Variants in ANKRD50 observed in about 807,000 individuals in gnomAD.
ANKRD50 encodes ankyrin repeat domain-containing protein 50.
A neutral mutation model predicts 112.0 loss-of-function variants in ANKRD50; 40 were observed. That is an observed-to-expected ratio of 0.36 (90% CI 0.28 to 0.46). The LOEUF (loss-of-function observed/expected upper bound fraction) is 0.46, where lower values mean the gene tolerates loss of function less well. ANKRD50 is among the 20% of genes least tolerant of loss of function. The pLI is 1.00. For missense variants in ANKRD50, 1,487 were observed against 1,701.7 expected (o/e 0.87, Z 2.22); for synonymous variants, 613 against 619.1 (o/e 0.99, Z 0.15).
intron 2 of ANKRD50, among the ~76,000 whole-genome samples, chr4:124,704,211 T>C (rs1249337611): frequency 2.0e-5 from 3 of 152,216 alleles, no homozygotes; most frequent in Non-Finnish European, 2.9e-5. Flanking sequence ...TGAATAGTAA[T>C]GGGACTTTAG....
chr4:124,688,233 A>G (rs1725050578), intron 2 of ANKRD50, among the ~76,000 whole-genome samples: 1 of 152,220 alleles, frequency 6.6e-6, no homozygotes, highest in Non-Finnish European at 1.5e-5. Context: ...GGTGAATCCT[A>G]AATCAATTTT....
chr4:124,674,510 TAA>T (rs1730727154), intron 3 of ANKRD50, among the ~76,000 whole-genome samples: 1 of 151,948 alleles, frequency 6.6e-6, no homozygotes, highest in Non-Finnish European at 1.5e-5. Context: ...ATTTCTATTT[TAA>T]AAAATGAGGA....
chr4:124,685,378 G>C (rs1277585330), intron 2 of ANKRD50, among the ~76,000 whole-genome samples: 1 of 152,080 alleles, frequency 6.6e-6, no homozygotes, highest in Non-Finnish European at 1.5e-5. Flanking sequence ...TCCATATTAA[G>C]TTCCCTTTCA....
At chr4:124,677,500 G>C (rs944109273) in intron 3 of ANKRD50, among the ~76,000 whole-genome samples, 2 of 151,708 alleles carry the variant, frequency 1.3e-5, no homozygotes. Context: ...AATATTGTTG[G>C]CTAAAAAAAG....
chr4:124,709,701 T>G (rs1405137680), intron 2 of ANKRD50, among the ~76,000 whole-genome samples: 2 of 152,126 alleles, frequency 1.3e-5, no homozygotes, highest in East Asian at 3.8e-4. Flanking sequence ...CTAAATGTGC[T>G]TCTCTACCAT....
intron 2 of ANKRD50, among the ~76,000 whole-genome samples, chr4:124,682,167 T>A (rs2110514470): frequency 6.6e-6 from 1 of 151,600 alleles, no homozygotes. Context: ...ATACAAAAAA[T>A]TAGCCGGGCG....
In ANKRD50 at chr4:124,697,862, A is replaced by T. The variant is rs1399050834; in HGVS notation, c.512+12138T>A. On this transcript the variant is annotated intron_variant, in intron 2 of 4. Transcript: ENST00000504087. The stretch of plus-strand genomic sequence containing the variant: ...GGTGGAGGATGGGCAGCAGGAGATG[A>T]GTTATGTCAGGTATTTCTGCTGCGT... 2.0e-5 allele frequency among the ~76,000 whole-genome samples: 3 copies of T among 151,946 alleles called. No homozygotes were observed. The East Asian group carries it at 5.8e-4, about 29-fold the overall frequency.
Position 124,664,922 on chromosome 4 carries a change from T to A in ANKRD50, c.*2596A>T, listed in dbSNP as rs1730453052. ...TTTCATTACTGTATTTTTATCACTT[T>A]CCTTATTATAAACTCATGATATTTA... On this transcript the variant is annotated 3_prime_UTR_variant, in exon 5 of 5. Transcript: ENST00000504087. The A allele has an allele frequency of 6.6e-6, 1 of 151,938 alleles. No individual in the cohort carries two copies. Among genetic ancestry groups the A allele is most frequent in the Admixed American group, 6.6e-5 (1 of 15,224 alleles). 9.4% of individuals were successfully genotyped at this position (151,938 alleles called of 1,614,324 possible).
chr4:124,686,493 C>T lies in ANKRD50; in HGVS notation c.513-7588G>A, dbSNP rs139087817. On this transcript the variant is annotated intron_variant, in intron 2 of 4. Coordinates refer to ENST00000504087, the MANE Select transcript of ANKRD50 (RefSeq NM_020337.3). ...CTGGGAAAGGTATGGAATGAAGCTC[C>T]GCCCCCAGACTAGGCTCTTCTCCCA... is the stretch of plus-strand genomic sequence containing the variant. Among the ~76,000 whole-genome samples, 496 of 152,154 alleles carry T rather than the reference C, an allele frequency of 3.3e-3. 2 individuals are homozygous for T. Among genetic ancestry groups the T allele is most frequent in the African/African-American group, 0.011 (451 of 41,512 alleles).
chr4:124,683,195 T>C (rs2110515155), intron 2 of ANKRD50, among the ~76,000 whole-genome samples: 1 of 151,920 alleles, frequency 6.6e-6, no homozygotes, highest in South Asian at 2.1e-4. Flanking sequence ...AGTAGGTGTT[T>C]TCCTAGCCTC....
At chr4:124,708,574 CCA>C (rs1435754273) in intron 2 of ANKRD50, among the ~76,000 whole-genome samples, 2 of 151,804 alleles carry the variant, frequency 1.3e-5, no homozygotes, top group Non-Finnish European at 2.9e-5. Flanking sequence ...AATCTGAAAA[CCA>C]CACTCAAACC....
intron 3 of ANKRD50, among the ~76,000 whole-genome samples, chr4:124,678,237 T>C (rs554571121): frequency 6.6e-6 from 1 of 152,032 alleles, no homozygotes; most frequent in Admixed American, 6.6e-5. Context: ...AGTGTGTTAA[T>C]CTAATAGGAG....
Position 124,696,460 on chromosome 4 carries a change from A to T in ANKRD50, c.512+13540T>A, listed in dbSNP as rs143497531. Reference sequence around the variant, plus strand: ...TGAAGAGGCACTATACTATCTGAAGAAGTAATAGATTAAGGCTTTTCCAAG... The same window carrying T: ...TGAAGAGGCACTATACTATCTGAAGTAGTAATAGATTAAGGCTTTTCCAAG... On this transcript the variant is annotated intron_variant, in intron 2 of 4. Coordinates refer to ENST00000504087, the MANE Select transcript of ANKRD50 (RefSeq NM_020337.3). Among the ~76,000 whole-genome samples the T allele has an allele frequency of 2.3e-3, 355 of 152,260 alleles. 2 individuals carry two copies. The highest frequency in any genetic ancestry group is 8.3e-3 in the African/African-American group (344 of 41,588).
rs778120664 is a variant in ANKRD50 at position 124,669,420 on chromosome 4, G to T, written c.3857C>A (p.Ala1286Glu). 2 of 1,612,826 alleles carry T rather than the reference G, an allele frequency of 1.2e-6. No individual in the cohort carries two copies. Among genetic ancestry groups the T allele is most frequent in the Non-Finnish European group, 1.7e-6 (2 of 1,179,638 alleles). ...SAKSGSAGKKAKQSNSSQPKV... is the reference protein window; with the variant it reads ...SAKSGSAGKKEKQSNSSQPKV... ...TGGCTGTGAAGAATTACTTTGTTTCGCTTTTTTCCCAGCTGATCCAGACTT... is the reference window on the plus strand; with the variant it reads ...TGGCTGTGAAGAATTACTTTGTTTCTCTTTTTTCCCAGCTGATCCAGACTT... The change falls in exon 4 of 5, where the codon GCG becomes GAG. Residue 1286 changes from alanine to glutamate, a missense_variant. Physicochemically the swap from Ala to Glu is moderately radical, Grantham distance 107 (BLOSUM62 -1). Transcript: ENST00000504087.
chr4:124,685,842 C>T lies in ANKRD50; in HGVS notation c.513-6937G>A, dbSNP rs1352099010. On this transcript the variant is annotated intron_variant, in intron 2 of 4. Transcript: ENST00000504087. Reference sequence around the variant, plus strand: ...GAAAATGAGGAATGCCAAGATCATCCTTCTGTAGCTAGCCTTTTGATTGAT... The same window carrying T: ...GAAAATGAGGAATGCCAAGATCATCTTTCTGTAGCTAGCCTTTTGATTGAT... Among the ~76,000 whole-genome samples, 6 of 152,144 alleles carry T rather than the reference C, an allele frequency of 3.9e-5. No individual in the cohort carries two copies. In the South Asian group the frequency reaches 1.0e-3, roughly 26 times the overall value.
At chr4:124,673,707 T>A (rs1261927625) in intron 3 of ANKRD50, among the ~76,000 whole-genome samples, 1 of 151,916 alleles carries the variant, frequency 6.6e-6, no homozygotes, top group Non-Finnish European at 1.5e-5. Context: ...AAATAATAGG[T>A]TTGGAGAAAA....
At chr4:124,693,992 A>C (rs1345302830) in intron 2 of ANKRD50, among the ~76,000 whole-genome samples, 2 of 152,200 alleles carry the variant, frequency 1.3e-5, no homozygotes, top group African/African-American at 2.4e-5. Context: ...AGTAGAAAAA[A>C]TAATGCACTA....
chr4:124,695,934 T>C (rs1442768152), intron 2 of ANKRD50, among the ~76,000 whole-genome samples: 2 of 152,158 alleles, frequency 1.3e-5, no homozygotes, highest in Non-Finnish European at 2.9e-5. Context: ...TAGCCTTTTC[T>C]GATAAAAGAC....
chr4:124,685,796 TCCC>T (rs72046752), intron 2 of ANKRD50, among the ~76,000 whole-genome samples: 26,167 of 152,010 alleles, frequency 0.17, 2,238 homozygotes, highest in Middle Eastern at 0.22. Context: ...AGTTAGTTTT[TCCC>T]CCATTTTCAC....
Sources: allele counts gnomAD v4.1 joint callset (sites outside exome capture counted in the v4.1 genomes callset), GRCh38; gene constraint gnomAD v4.1.1; transcripts MANE v1.5; gene names NCBI Gene and HGNC (gene_info 2026-07-23, HGNC 2026-07-21).